GPATCH8: variants seen among roughly 807,000 people sequenced by gnomAD.
GPATCH8 encodes G patch domain-containing protein 8.
Under a neutral mutation model 118.3 loss-of-function variants are expected in GPATCH8, and 18 were observed. The observed-to-expected ratio is 0.15, with a 90% CI of 0.11 to 0.23. The LOEUF (loss-of-function observed/expected upper bound fraction) is 0.23, where lower values mean the gene tolerates loss of function less well. GPATCH8 is among the 10% of genes least tolerant of loss of function. GPATCH8 has a pLI of 1.00. For missense variants in GPATCH8, 1,631 were observed against 1,873.8 expected (o/e 0.87, Z 2.39); for synonymous variants, 659 against 684.7 (o/e 0.96, Z 0.59).
rs2048841750 is a variant in GPATCH8 at position 44,397,965 on chromosome 17, G to C, written c.4112C>G (p.Ser1371Cys). ...GATGGCATGCTGAACAGTTGTGATGGAGGTGGCAGAGGCTGTAGCTGGCTG... is the reference window on the plus strand; with the variant it reads ...GATGGCATGCTGAACAGTTGTGATGCAGGTGGCAGAGGCTGTAGCTGGCTG... ...IQQPATASAT[S>C]ITTVQHAILQ... Residue 1371 changes from serine to cysteine, a missense_variant, in exon 8 of 8, where the codon TCC becomes TGC. Ser to Cys is a moderately radical substitution (Grantham distance 112, BLOSUM62 -1). Around this residue, in one of 8 missense-constraint regions of GPATCH8, gnomAD observed 111 missense variants for 112.4 expected, o/e 0.99. Transcript: ENST00000591680. The C allele has an allele frequency of 6.2e-7, 1 of 1,613,992 alleles. No homozygotes were observed. The highest frequency in any genetic ancestry group is 8.5e-7 in the Non-Finnish European group (1 of 1,179,992).
intron 3 of GPATCH8, among the ~76,000 whole-genome samples, chr17:44,457,147 C>A (rs574842271): frequency 3.2e-4 from 49 of 152,044 alleles, no homozygotes; most frequent in Non-Finnish European, 2.9e-5. Context: ...ACAGGTGTGA[C>A]CCACTGCAAC....
rs1191439716 is a variant in GPATCH8, at chr17:44,399,518, G to A, written c.2559C>T (p.Arg853=). The A allele has an allele frequency of 6.2e-7, 1 of 1,614,114 alleles. No individual in the cohort carries two copies. Among genetic ancestry groups the A allele is most frequent in the African/African-American group, 1.3e-5 (1 of 74,946 alleles). The change falls in exon 8 of 8, where the codon CGC becomes CGT. Residue 853 remains arginine, a synonymous_variant. Coordinates refer to ENST00000591680, the MANE Select transcript of GPATCH8 (RefSeq NM_001002909.4). ...EDSGSEHSRS[R]SRSGRRHSSH... ...AGGAATGGCGCCGGCCAGACCTTGA[G>A]CGGCTGCGGGAATGCTCACTGCCTG...
In GPATCH8 at chr17:44,436,540, T is replaced by C; in HGVS notation, c.199A>G (p.Thr67Ala). ...QGLGKSLQGR[T>A]DPIPIVVKYD... is the part of the protein sequence containing the mutation. ...TTGACAACGATTGGAATGGGATCTGTTCTCCCTGTAACAGGAACACATAAT... is the reference window on the plus strand; with the variant it reads ...TTGACAACGATTGGAATGGGATCTGCTCTCCCTGTAACAGGAACACATAAT... The change falls in exon 4 of 8, where the codon ACA becomes GCA. Residue 67 changes from threonine to alanine, a missense_variant. Coordinates refer to ENST00000591680, the MANE Select transcript of GPATCH8 (RefSeq NM_001002909.4). 6.8e-7 allele frequency: 1 copy of C among 1,469,306 alleles called. No individual in the cohort carries two copies. The highest frequency in any genetic ancestry group is 9.5e-7 in the Non-Finnish European group (1 of 1,047,610). The allele number at this position is 1,469,306 out of a possible 1,614,324, so 91.0% of individuals were successfully genotyped here. A position where few individuals can be genotyped will look rare whatever the true frequency, so the allele number is the denominator to read the frequency against.
intron 6 of GPATCH8, among the ~76,000 whole-genome samples, chr17:44,414,958 C>T (rs889867466): frequency 6.6e-6 from 1 of 152,190 alleles, no homozygotes; most frequent in Non-Finnish European, 1.5e-5. Flanking sequence ...AGATGTACCA[C>T]ATTTTATCCA....
chr17:44,447,976 CTCTGTT>C (rs2050949681), intron 3 of GPATCH8, among the ~76,000 whole-genome samples: 1 of 152,172 alleles, frequency 6.6e-6, no homozygotes, highest in South Asian at 2.1e-4. Context: ...GTCTCACTCA[CTCTGTT>C]GCCCCAGCTG....
intron 6 of GPATCH8, among the ~76,000 whole-genome samples, chr17:44,410,365 C>G (rs944516106): frequency 5.3e-5 from 8 of 152,318 alleles, no homozygotes; most frequent in Admixed American, 1.3e-4. Flanking sequence ...AGACCAAACA[C>G]TGCAGATATG....
chr17:44,429,862 TA>T (rs778605043), intron 5 of GPATCH8, among the ~76,000 whole-genome samples: 112 of 128,808 alleles, frequency 8.7e-4, no homozygotes, highest in South Asian at 7.4e-4. Context: ...AGACTCCGTC[TA>T]AAAAAAAAAA....
intron 1 of GPATCH8, among the ~76,000 whole-genome samples, chr17:44,476,215 T>A (rs977457277): frequency 1.3e-5 from 2 of 152,132 alleles, no homozygotes; most frequent in Non-Finnish European, 2.9e-5. Flanking sequence ...TTTACCTTTT[T>A]TTTTTTTGAG....
chr17:44,398,267 C>G lies in GPATCH8; in HGVS notation c.3810G>C (p.Leu1270=), dbSNP rs972839139. The part of the protein sequence containing the change: ...SQPGPVESSL[L]PIAPDLEHFP... ...AATGCTCAAGGTCTGGTGCTATAGG[C>G]AGCAAGCTGGACTCCACAGGGCCTG... The change falls in exon 8 of 8, where the codon CTG becomes CTC. Residue 1270 remains leucine, a synonymous_variant. Coordinates refer to ENST00000591680, the MANE Select transcript of GPATCH8 (RefSeq NM_001002909.4). The G allele has an allele frequency of 6.2e-7, 1 of 1,613,222 alleles. No homozygotes were observed. Among genetic ancestry groups the G allele is most frequent in the African/African-American group, 1.3e-5 (1 of 74,902 alleles).
intron 5 of GPATCH8, among the ~76,000 whole-genome samples, chr17:44,434,657 G>A (rs1483640001): frequency 6.6e-6 from 1 of 152,212 alleles, no homozygotes; most frequent in East Asian, 1.9e-4. Context: ...GACCAACATG[G>A]TGAAACCCCG....
rs887831894 is a variant in GPATCH8, at chr17:44,503,238, G to A, written c.45+88C>T. 4.0e-6 allele frequency: 5 copies of A among 1,234,958 alleles called. No individual in the cohort carries two copies. The African/African-American group carries it at 6.0e-5, about 15-fold the overall frequency. The allele number at this position is 1,234,958 out of a possible 1,614,324, so 76.5% of individuals were successfully genotyped here. A position where few individuals can be genotyped will look rare whatever the true frequency, so the allele number is the denominator to read the frequency against. On this transcript the variant is annotated intron_variant, in intron 1 of 7. Transcript: ENST00000591680. ...TGGTTCGCAAGTCGGAGCAAAACTG[G>A]AAGGAAAGAGGGCTGGGAGCCGGAG...
At chr17:44,479,725 T>C (rs1172748339) in intron 1 of GPATCH8, among the ~76,000 whole-genome samples, 3 of 151,914 alleles carry the variant, frequency 2.0e-5, no homozygotes, top group African/African-American at 7.3e-5. Context: ...TCCCAGCACT[T>C]TGGGAGGTCG....
At chr17:44,477,712 A>G (rs541999977) in intron 1 of GPATCH8, among the ~76,000 whole-genome samples, 20 of 152,168 alleles carry the variant, frequency 1.3e-4, no homozygotes, top group Non-Finnish European at 1.9e-4. Flanking sequence ...AAGACAAAAA[A>G]AAAAAGGACT....
At position 44,398,597 on chromosome 17, in the gene GPATCH8, C is replaced by T. The variant is rs752093879; in HGVS notation, c.3480G>A (p.Lys1160=). 6.4e-7 allele frequency: 1 copy of T among 1,553,112 alleles called. No homozygotes were observed. The highest frequency in any genetic ancestry group is 8.7e-7 in the Non-Finnish European group (1 of 1,154,082). The part of the protein sequence containing the change: ...KLPATRKPNK[K]CEESGLERGE... ...CCCTTTCCAAGCCAGACTCTTCACA[C>T]TTCTTATTGGGCTTTCGGGTAGCTG... Residue 1160 remains lysine, a synonymous_variant, in exon 8 of 8, where the codon AAG becomes AAA. Coordinates refer to ENST00000591680, the MANE Select transcript of GPATCH8 (RefSeq NM_001002909.4).
intron 1 of GPATCH8, among the ~76,000 whole-genome samples, chr17:44,475,607 T>G (rs562164853): frequency 6.6e-6 from 1 of 150,910 alleles, no homozygotes; most frequent in South Asian, 2.1e-4. Context: ...GGCAGGAGAA[T>G]GGCGTGAACC....
chr17:44,404,182 G>A (rs1358519417), intron 7 of GPATCH8, among the ~76,000 whole-genome samples: 1 of 152,020 alleles, frequency 6.6e-6, no homozygotes, highest in East Asian at 1.9e-4. Flanking sequence ...CTATCACCCA[G>A]GCTGGAGTGC....
At position 44,436,525 on chromosome 17, in the gene GPATCH8, T is replaced by A; in HGVS notation, c.214A>T (p.Ile72Phe). 6.6e-7 allele frequency: 1 copy of A among 1,508,988 alleles called. No homozygotes were observed. The allele number at this position is 1,508,988 out of a possible 1,614,324, so 93.5% of individuals were successfully genotyped here. A position where few individuals can be genotyped will look rare whatever the true frequency, so the allele number is the denominator to read the frequency against. Reference protein sequence around the residue: ...SLQGRTDPIPIVVKYDVMGMG... With the variant: ...SLQGRTDPIPFVVKYDVMGMG... ...CCCATGACATCATACTTGACAACGA[T>A]TGGAATGGGATCTGTTCTCCCTGTA... is the stretch of plus-strand genomic sequence containing the variant. Residue 72 changes from isoleucine to phenylalanine, a missense_variant, in exon 4 of 8, where the codon ATC becomes TTC. Transcript: ENST00000591680.
At chr17:44,481,254 G>GTA (rs1461586187) in intron 1 of GPATCH8, among the ~76,000 whole-genome samples, 1 of 152,128 alleles carries the variant, frequency 6.6e-6, no homozygotes, top group African/African-American at 2.4e-5. Flanking sequence ...ACATAAAATA[G>GTA]TACACTCAAC....
chr17:44,399,060 C>T lies in GPATCH8; in HGVS notation c.3017G>A (p.Arg1006Lys). The change falls in exon 8 of 8, where the codon AGG becomes AAG. Residue 1006 changes from arginine to lysine, a missense_variant. Around this residue, in one of 8 missense-constraint regions of GPATCH8, gnomAD observed 922 missense variants for 879.7 expected, o/e 1.05. Transcript: ENST00000591680. Reference protein sequence around the residue: ...TRSPSQRSGSRKRSWGHESPE... With the variant: ...TRSPSQRSGSKKRSWGHESPE... ...GCTCTCGTGACCCCATGATCTCTTC[C>T]TGGAGCCTGATCTCTGGGAAGGGCT... 1 of 1,614,134 alleles carries T rather than the reference C, an allele frequency of 6.2e-7. No homozygotes were observed. The highest frequency in any genetic ancestry group is 8.5e-7 in the Non-Finnish European group (1 of 1,180,014).
Sources: gnomAD v4.1 joint callset for allele counts (sites outside exome capture counted in the v4.1 genomes callset) on GRCh38, gnomAD v4.1.1 for gene constraint, gnomAD v4.1.1 regional missense constraint, MANE v1.5 for transcripts, NCBI Gene and HGNC (gene_info 2026-07-23, HGNC 2026-07-21) for gene names.